CATSPERE: variants seen among roughly 807,000 people sequenced by gnomAD.
CATSPERE encodes catsper channel auxiliary subunit epsilon, also known as cation channel sperm-associated auxiliary subunit epsilon.
In CATSPERE, 93 loss-of-function variants were observed where a neutral mutation model predicts 114.1. The observed-to-expected ratio is 0.81, with a 90% CI of 0.69 to 0.97. CATSPERE has a LOEUF of 0.97. Among genes scored for constraint, CATSPERE ranks in the 50% least tolerant of loss-of-function variants. The pLI, the probability that CATSPERE is intolerant of heterozygous loss-of-function variation, is 0.00. For missense variants in CATSPERE, 1,058 were observed against 1,131.6 expected (o/e 0.93, Z 0.93); for synonymous variants, 341 against 384.1 (o/e 0.89, Z 1.31).
chr1:244,490,774 G>A (rs1034839101), intron 6 of CATSPERE, among the ~76,000 whole-genome samples: 2 of 151,696 alleles, frequency 1.3e-5, no homozygotes, highest in African/African-American at 4.8e-5. Flanking sequence ...AAATATTAAA[G>A]ATAGTTTTTA....
At chr1:244,494,252 C>T (rs1379090675) in intron 6 of CATSPERE, among the ~76,000 whole-genome samples, 1 of 151,898 alleles carries the variant, frequency 6.6e-6, no homozygotes, top group Admixed American at 6.6e-5. Flanking sequence ...CACATATACA[C>T]CATGGAATAC....
chr1:244,607,629 C>T lies in CATSPERE; in HGVS notation c.2403+1835C>T, dbSNP rs916668076. Among the ~76,000 whole-genome samples the T allele has an allele frequency of 6.6e-6, 1 of 152,196 alleles. No homozygotes were observed. Among genetic ancestry groups the T allele is most frequent in the Non-Finnish European group, 1.5e-5 (1 of 68,034 alleles). ...GTGCTTAAGAAGGAATCACGTGAAC[C>T]TTCACGCTTTCCATCATACCTCACA... On this transcript the variant is annotated intron_variant, in intron 18 of 21. Transcript: ENST00000366534. This position sits in a 1 kb window ranked among gnomAD's most constrained non-coding sequence, Gnocchi z 4.4.
chr1:244,583,929 T>C lies in CATSPERE; in HGVS notation c.2075T>C (p.Ile692Thr), dbSNP rs1666628816. The C allele has an allele frequency of 6.2e-7, 1 of 1,614,052 alleles. No homozygotes were observed. Among genetic ancestry groups the C allele is most frequent in the Non-Finnish European group, 8.5e-7 (1 of 1,179,954 alleles). ...AGTGAATATTCAAAAGCATGTCCAA[T>C]AGCCCAAAAGGTAAGCGACATGGGC... ...RPSEYSKACP[I>T]AQKVFQIAVG... The change falls in exon 13 of 22, where the codon ATA (isoleucine) becomes ACA (threonine). Residue 692 changes from isoleucine to threonine, a missense_variant. Physicochemically the swap from Ile to Thr is moderately conservative, Grantham distance 89 (BLOSUM62 -1). This residue lies in a region of CATSPERE where 787 missense variants were observed against 905.6 expected (regional missense o/e 0.87). Transcript: ENST00000366534.
chr1:244,571,354 G>A (rs1664429663), intron 10 of CATSPERE, among the ~76,000 whole-genome samples: 1 of 152,134 alleles, frequency 6.6e-6, no homozygotes, highest in African/African-American at 2.4e-5. Flanking sequence ...TCCAAGTGTT[G>A]TCTTTTGACA....
intron 8 of CATSPERE, among the ~76,000 whole-genome samples, chr1:244,531,837 G>A (rs1336515497): frequency 6.6e-6 from 1 of 152,116 alleles, no homozygotes; most frequent in Non-Finnish European, 1.5e-5. Context: ...GGTAATACTG[G>A]CCTCATAGAA....
At chr1:244,578,901 TTG>T (rs1371843743) in intron 11 of CATSPERE, among the ~76,000 whole-genome samples, 15 of 150,068 alleles carry the variant, frequency 1.0e-4, no homozygotes, top group African/African-American at 3.7e-4. Context: ...TTCTCTTTTT[TTG>T]TTTTGTTCTG....
chr1:244,636,920 A>T (rs1674693997), intron 21 of CATSPERE, among the ~76,000 whole-genome samples: 1 of 152,006 alleles, frequency 6.6e-6, no homozygotes, highest in African/African-American at 2.4e-5. Flanking sequence ...CTAGTCCAGC[A>T]CTCAACCCCA....
chr1:244,518,525 C>A, intron 7 of CATSPERE, 67 bp from the exon 8 acceptor site: 2 of 949,634 alleles, frequency 2.1e-6, no homozygotes, highest in Non-Finnish European at 3.4e-6. Flanking sequence ...TCAATATATC[C>A]TGATGTCACA....
chr1:244,525,507 A>G (rs894854703), intron 8 of CATSPERE, among the ~76,000 whole-genome samples: 6 of 117,186 alleles, frequency 5.1e-5, no homozygotes, highest in African/African-American at 3.0e-4. Flanking sequence ...AATAAAATAT[A>G]ATAAAATAAA....
At chr1:244,592,371 T>C (rs1256403639) in intron 15 of CATSPERE, among the ~76,000 whole-genome samples, 1 of 152,158 alleles carries the variant, frequency 6.6e-6, no homozygotes, top group Non-Finnish European at 1.5e-5. Flanking sequence ...ATTAAAGATA[T>C]AACTAAATAA....
intron 7 of CATSPERE, among the ~76,000 whole-genome samples, chr1:244,516,701 T>C (rs1419368949): frequency 2.0e-5 from 3 of 151,154 alleles, no homozygotes; most frequent in Non-Finnish European, 2.9e-5. Context: ...TTTGTATTTT[T>C]AGTAGAGACA....
chr1:244,613,530 A>C (rs1366122396), intron 19 of CATSPERE, among the ~76,000 whole-genome samples: 1 of 152,220 alleles, frequency 6.6e-6, no homozygotes, highest in Non-Finnish European at 1.5e-5. Context: ...TAATTCACCT[A>C]CATAAAATAA....
intron 8 of CATSPERE, among the ~76,000 whole-genome samples, chr1:244,545,862 C>G (rs1320990951): frequency 6.6e-6 from 1 of 152,146 alleles, no homozygotes; most frequent in African/African-American, 2.4e-5. Flanking sequence ...TGCATGGTTC[C>G]TACTACTGCT....
chr1:244,591,779 C>T (rs763564454), intron 15 of CATSPERE, 48 bp downstream of exon 15: 1 of 1,121,550 alleles, frequency 8.9e-7, no homozygotes, highest in Admixed American at 2.0e-5. Flanking sequence ...TAACGTAGTA[C>T]CAATACTTTA....
chr1:244,603,704 T>C (rs893370472), intron 17 of CATSPERE, among the ~76,000 whole-genome samples: 14 of 151,956 alleles, frequency 9.2e-5, no homozygotes, highest in African/African-American at 3.4e-4. Context: ...TGCAACTAGT[T>C]CTTAATAATG....
chr1:244,622,293 T>A (rs1193736926), intron 20 of CATSPERE, among the ~76,000 whole-genome samples: 1 of 152,228 alleles, frequency 6.6e-6, no homozygotes, highest in Non-Finnish European at 1.5e-5. Context: ...CCTGAAGCTA[T>A]AGTTAGTATT....
chr1:244,533,190 C>T (rs3005957), intron 8 of CATSPERE, among the ~76,000 whole-genome samples: 19,541 of 151,894 alleles, frequency 0.13, 2,184 homozygotes, highest in African/African-American at 0.3. Context: ...CTATTTTGTG[C>T]TTTCCATTTG....
Position 244,591,707 on chromosome 1 carries a change from A to G in CATSPERE, c.2165A>G (p.His722Arg), listed in dbSNP as rs2148644201. Residue 722 changes from histidine to arginine, a missense_variant, in exon 15 of 22, where the codon CAT becomes CGT. Around this residue, in one of 2 missense-constraint regions of CATSPERE, gnomAD observed 787 missense variants for 905.6 expected, o/e 0.87. Coordinates refer to ENST00000366534, the MANE Select transcript of CATSPERE (RefSeq NM_001130957.2). ...KGFSKKGCHHHDFSYVIEKSY... is the reference protein window; with the variant it reads ...KGFSKKGCHHRDFSYVIEKSY... Reference sequence around the variant, plus strand: ...TTTAGTAAAAAAGGATGTCATCACCATGATTTTTCATACGTGATTGAAAAG... The same window carrying G: ...TTTAGTAAAAAAGGATGTCATCACCGTGATTTTTCATACGTGATTGAAAAG... 6.6e-7 allele frequency: 1 copy of G among 1,516,998 alleles called. No homozygotes were observed. The highest frequency in any genetic ancestry group is 2.3e-5 in the East Asian group (1 of 43,876). The allele number at this position is 1,516,998 out of a possible 1,614,324, so 94.0% of individuals were successfully genotyped here. A position where few individuals can be genotyped will look rare whatever the true frequency, so the allele number is the denominator to read the frequency against.
upstream of CATSPERE, among the ~76,000 whole-genome samples, chr1:244,460,809 G>C (rs1572190679): frequency 6.6e-6 from 1 of 152,230 alleles, no homozygotes; most frequent in African/African-American, 2.4e-5. Flanking sequence ...AGCTACTCTG[G>C]AGGCTGAAGC....
Sources: gnomAD v4.1 joint callset for allele counts (sites outside exome capture counted in the v4.1 genomes callset) on GRCh38, gnomAD v4.1.1 for gene constraint, gnomAD v4.1.1 regional missense constraint, Gnocchi (gnomAD v3.1) non-coding constraint, MANE v1.5 for transcripts, NCBI Gene and HGNC (gene_info 2026-07-23, HGNC 2026-07-21) for gene names.